The following CALN1 variants were observed in gnomAD, a reference collection of about 807,000 sequenced individuals.
CALN1 encodes calneuron 1, also known as calcium-binding protein 8.
A neutral mutation model predicts 30.6 loss-of-function variants in CALN1; 17 were observed. That is an observed-to-expected ratio of 0.56 (90% CI 0.38 to 0.83). The LOEUF is 0.83. CALN1 is among the 40% of genes least tolerant of loss of function. CALN1 has a pLI of 0.00. For synonymous variants in CALN1, 156 were observed against 131.4 expected (o/e 1.19, Z -1.28); for missense variants, 291 against 354.9 (o/e 0.82, Z 1.45).
chr7:72,205,431 A>C (rs1309320779), intron 3 of CALN1, among the ~76,000 whole-genome samples: 2 of 149,888 alleles, frequency 1.3e-5, no homozygotes, highest in Non-Finnish European at 3.0e-5. Flanking sequence ...CTAACTCCTG[A>C]CCTCAAGTTG....
At chr7:71,829,891 C>T (rs1383368321) in intron 5 of CALN1, among the ~76,000 whole-genome samples, 1 of 152,170 alleles carries the variant, frequency 6.6e-6, no homozygotes, top group Non-Finnish European at 1.5e-5. Context: ...CCAGTGTTCT[C>T]AAGTGGTTCA....
chr7:72,205,568 GTATA>G (rs1253422246), intron 3 of CALN1, among the ~76,000 whole-genome samples: 2 of 91,806 alleles, frequency 2.2e-5, no homozygotes, highest in Non-Finnish European at 1.8e-5. Context: ...ATATATATAT[GTATA>G]TATATATATA....
chr7:72,205,554 A>AG lies in CALN1; in HGVS notation c.244+73131_244+73132insC, dbSNP rs1037105989. ...TTTCTCCTGATTGCAAAAAAAAAAT[A>AG]TATATATATATATGTATATATATAT... On this transcript the variant is annotated intron_variant, in intron 3 of 6. Coordinates refer to ENST00000395275, the MANE Select transcript of CALN1 (RefSeq NM_031468.4). Among the ~76,000 whole-genome samples, 2 of 58,368 alleles carry AG rather than the reference A, an allele frequency of 3.4e-5. 1 individual carries two copies. The highest frequency in any genetic ancestry group is 2.3e-4 in the African/African-American group (2 of 8,576). 38.3% of individuals were successfully genotyped at this position (58,368 alleles called of 152,430 possible).
chr7:72,031,659 C>T (rs1440234920), intron 4 of CALN1, among the ~76,000 whole-genome samples: 1 of 151,928 alleles, frequency 6.6e-6, no homozygotes, highest in East Asian at 1.9e-4. Flanking sequence ...CTTTGAACTC[C>T]TGGGTTCGAG....
chr7:72,024,415 T>C (rs1800918191), intron 4 of CALN1, among the ~76,000 whole-genome samples: 1 of 152,154 alleles, frequency 6.6e-6, no homozygotes, highest in Non-Finnish European at 1.5e-5. Flanking sequence ...TTTGTTGTTT[T>C]TGAGATGGTG....
chr7:72,180,775 G>A (rs1450578986), intron 3 of CALN1, among the ~76,000 whole-genome samples: 2 of 151,304 alleles, frequency 1.3e-5, no homozygotes, highest in African/African-American at 4.9e-5. Flanking sequence ...GCTTGTTTAT[G>A]CTTTTTAAGT....
intron 4 of CALN1, among the ~76,000 whole-genome samples, chr7:72,038,437 G>A (rs1398655597): frequency 6.6e-6 from 1 of 151,280 alleles, no homozygotes; most frequent in Admixed American, 6.6e-5. Flanking sequence ...GTGCAGTGGT[G>A]TGATCACAGC....
At chr7:72,167,961 A>G (rs1259341755) in intron 3 of CALN1, among the ~76,000 whole-genome samples, 1 of 152,234 alleles carries the variant, frequency 6.6e-6, no homozygotes, top group Non-Finnish European at 1.5e-5. Context: ...CTGCTAATAA[A>G]GATAACTTCC....
intron 3 of CALN1, among the ~76,000 whole-genome samples, chr7:72,277,756 T>G (rs920093669): frequency 1.3e-5 from 2 of 152,082 alleles, no homozygotes; most frequent in Non-Finnish European, 2.9e-5. Context: ...CTGGGAGAAA[T>G]GAGGCTCCCT....
intron 3 of CALN1, among the ~76,000 whole-genome samples, chr7:72,150,034 G>C (rs571362086): frequency 1.3e-5 from 2 of 150,914 alleles, no homozygotes; most frequent in South Asian, 2.1e-4. Flanking sequence ...GAGGGCAGGA[G>C]AATCAGTTGA....
chr7:72,499,620 T>C, the CALN1 span, among the ~76,000 whole-genome samples: 25 of 152,240 alleles, frequency 1.6e-4, no homozygotes, highest in African/African-American at 6.0e-4. Context: ...TAATTGTTCC[T>C]TGGAAAAAGG....
At chr7:72,449,545 A>T (rs971915903), upstream of CALN1, among the ~76,000 whole-genome samples, 23 of 151,994 alleles carry the variant, frequency 1.5e-4, no homozygotes, top group Non-Finnish European at 2.2e-4. Context: ...CACAGCCCTC[A>T]CCCCCACTGG....
Position 71,817,272 on chromosome 7 carries a change from C to T in CALN1, c.502-6780G>A, listed in dbSNP as rs556061052. Among the ~76,000 whole-genome samples, 25 of 152,266 alleles carry T rather than the reference C, an allele frequency of 1.6e-4. No individual in the cohort carries two copies. The East Asian group carries it at 4.6e-3, about 28-fold the overall frequency. ...CATTTTCATTATCATTAGTATGCAA[C>T]TATGGACCCTAGTCCTGCAATTTTA... On this transcript the variant is annotated intron_variant, in intron 5 of 6. Coordinates refer to ENST00000395275, the MANE Select transcript of CALN1 (RefSeq NM_031468.4).
intron 2 of CALN1, among the ~76,000 whole-genome samples, chr7:72,285,102 A>G (rs1231752556): frequency 2.0e-5 from 3 of 152,188 alleles, no homozygotes; most frequent in East Asian, 1.9e-4. Context: ...CTGCAGTGAG[A>G]TAAGTAAAAG....
intron 5 of CALN1, among the ~76,000 whole-genome samples, chr7:71,812,563 A>G (rs936984199): frequency 6.6e-6 from 1 of 152,228 alleles, no homozygotes; most frequent in African/African-American, 2.4e-5. Context: ...GCTGCATCTA[A>G]CAGAGCACTA....
chr7:72,322,883 C>T (rs1440129966), intron 2 of CALN1, among the ~76,000 whole-genome samples: 1 of 151,742 alleles, frequency 6.6e-6, no homozygotes, highest in Non-Finnish European at 1.5e-5. Flanking sequence ...CATTATTACA[C>T]ACTGCATGCC....
In CALN1 at chr7:72,317,501, G is replaced by T. The variant is rs141530163; in HGVS notation, c.120-38691C>A. 1.5e-3 allele frequency among the ~76,000 whole-genome samples: 231 copies of T among 152,258 alleles called. 1 individual carries two copies. Among genetic ancestry groups the T allele is most frequent in the African/African-American group, 4.9e-3 (205 of 41,538 alleles). ...CTGTTCCCACAACTCTGTTTGCTCT[G>T]CCTGGCTGGCCCCACCAGAGAACTG... On this transcript the variant is annotated intron_variant, in intron 2 of 6. Transcript: ENST00000395275.
chr7:72,500,817 C>T, the CALN1 span, among the ~76,000 whole-genome samples: 2 of 152,162 alleles, frequency 1.3e-5, no homozygotes, highest in East Asian at 1.9e-4. Flanking sequence ...CCAGTTACTT[C>T]CATTCCAGAT....
At chr7:71,791,959 C>A (rs905067102) in intron 6 of CALN1, among the ~76,000 whole-genome samples, 3 of 151,848 alleles carry the variant, frequency 2.0e-5, no homozygotes, top group African/African-American at 7.3e-5. Flanking sequence ...TGCAGTGAGC[C>A]GAGATCGCGC....
Sources: allele counts gnomAD v4.1 joint callset (sites outside exome capture counted in the v4.1 genomes callset), GRCh38; gene constraint gnomAD v4.1.1; transcripts MANE v1.5; gene names NCBI Gene and HGNC (gene_info 2026-07-23, HGNC 2026-07-21).